MBNL1: variants seen among roughly 807,000 people sequenced by gnomAD.
The protein encoded by MBNL1 is muscleblind-like protein 1.
Under a neutral mutation model 42.2 loss-of-function variants are expected in MBNL1, and 8 were observed. The ratio of observed to expected loss-of-function variants is 0.19; its 90% CI spans 0.11 to 0.34. The LOEUF (loss-of-function observed/expected upper bound fraction) is 0.34, where lower values mean the gene tolerates loss of function less well. Ranked by LOEUF, MBNL1 falls within the 10% of genes least tolerant of loss-of-function variation. The pLI, the probability that MBNL1 is intolerant of heterozygous loss-of-function variation, is 1.00. For missense variants in MBNL1, 309 were observed against 495.3 expected, an observed-to-expected ratio of 0.62 and a Z score of 3.57; for synonymous variants, 169 against 173.9, an observed-to-expected ratio of 0.97 and a Z score of 0.22.
chr3:152,414,530 T>G (rs956279520), intron 2 of MBNL1, among the ~76,000 whole-genome samples: 2 of 152,198 alleles, frequency 1.3e-5, no homozygotes, highest in Non-Finnish European at 2.9e-5. Context: ...TCCTAAGATT[T>G]CAGTACAAGT....
chr3:152,273,548 TAA>T (rs1356078577), intron 1 of MBNL1, among the ~76,000 whole-genome samples: 28 of 152,306 alleles, frequency 1.8e-4, no homozygotes, highest in African/African-American at 6.0e-4. Flanking sequence ...TTAGGAGAAT[TAA>T]GTCTTACACA....
intron 2 of MBNL1, among the ~76,000 whole-genome samples, chr3:152,317,722 C>A (rs2073008767): frequency 6.6e-6 from 1 of 152,072 alleles, no homozygotes; most frequent in Admixed American, 6.6e-5. Context: ...TATTTATAAA[C>A]CCATAGAATC....
At chr3:152,294,633 A>G (rs1029800178) in intron 1 of MBNL1, among the ~76,000 whole-genome samples, 2 of 152,072 alleles carry the variant, frequency 1.3e-5, no homozygotes, top group Non-Finnish European at 2.9e-5. Context: ...GTTTATTATA[A>G]TGTATTGAAA....
At chr3:152,323,056 T>C (rs2077328136) in intron 2 of MBNL1, among the ~76,000 whole-genome samples, 1 of 152,156 alleles carries the variant, frequency 6.6e-6, no homozygotes, top group African/African-American at 2.4e-5. Flanking sequence ...TTCAGTTTGC[T>C]AACTGCCTAA....
intron 2 of MBNL1, among the ~76,000 whole-genome samples, chr3:152,361,104 C>T (rs949657976): frequency 1.4e-4 from 21 of 151,944 alleles, no homozygotes; most frequent in Non-Finnish European, 2.8e-4. Flanking sequence ...TAGAAAAAAA[C>T]CCATATACCC....
chr3:152,346,230 A>G (rs572141521), intron 2 of MBNL1, among the ~76,000 whole-genome samples: 1 of 152,260 alleles, frequency 6.6e-6, no homozygotes, highest in Non-Finnish European at 1.5e-5. Flanking sequence ...GTCCTTGGGC[A>G]GTGTTTGCAG....
intron 2 of MBNL1, among the ~76,000 whole-genome samples, chr3:152,311,349 C>T (rs1393177886): frequency 6.6e-6 from 1 of 152,132 alleles, no homozygotes; most frequent in Non-Finnish European, 1.5e-5. Flanking sequence ...ATTCATCTTA[C>T]TAGGCATTTA....
chr3:152,398,360 G>C (rs899430633), intron 2 of MBNL1, among the ~76,000 whole-genome samples: 3 of 151,902 alleles, frequency 2.0e-5, no homozygotes, highest in Admixed American at 1.3e-4. Context: ...AATTAAAAAA[G>C]ACCTATCATG....
chr3:152,253,423 T>A (rs914966965), intron 2 of MBNL1, among the ~76,000 whole-genome samples: 7 of 152,278 alleles, frequency 4.6e-5, no homozygotes, highest in Middle Eastern at 3.4e-3. Context: ...TCATCTCTGG[T>A]CTGGACGTCT....
intron 2 of MBNL1, among the ~76,000 whole-genome samples, chr3:152,399,257 C>G (rs2098116731): frequency 6.6e-6 from 1 of 152,126 alleles, no homozygotes. Context: ...TTCTGCCTGC[C>G]TTGCCTTGCC....
Position 152,459,311 on chromosome 3 carries a change from A to G in MBNL1, c.1133A>G (p.Tyr378Cys), listed in dbSNP as rs1229116592. 3 of 1,580,786 alleles carry G rather than the reference A, an allele frequency of 1.9e-6. No individual in the cohort carries two copies. Among genetic ancestry groups the G allele is most frequent in the African/African-American group, 2.7e-5 (2 of 73,526 alleles). Residue 378 changes from tyrosine to cysteine, a missense_variant, in exon 9 of 10, where the codon TAT (tyrosine) becomes TGT (cysteine). Transcript: ENST00000324210. The stretch of plus-strand genomic sequence containing the variant: ...GCCGAACATCTGACTAGCCACAAGT[A>G]TGTTACCCAGATGTAGAATTTTCAT... The part of the protein sequence containing the change: ...ISAEHLTSHK[Y>C]VTQM
intron 2 of MBNL1, among the ~76,000 whole-genome samples, chr3:152,351,624 G>A (rs571837252): frequency 2.1e-4 from 32 of 152,248 alleles, no homozygotes; most frequent in African/African-American, 6.7e-4. Flanking sequence ...AACACTTATA[G>A]GAGGGGTTTT....
intron 2 of MBNL1, among the ~76,000 whole-genome samples, chr3:152,343,710 CTG>C (rs1307210098): frequency 1.3e-5 from 2 of 152,042 alleles, no homozygotes; most frequent in African/African-American, 2.4e-5. Context: ...ACTCAGTAAA[CTG>C]AAACTGTCAG....
chr3:152,407,884 AAAAC>A (rs1206511015), intron 2 of MBNL1, among the ~76,000 whole-genome samples: 3 of 152,198 alleles, frequency 2.0e-5, no homozygotes, highest in African/African-American at 7.2e-5. Context: ...TAGAAACAGA[AAAAC>A]AAACACCACA....
intron 2 of MBNL1, among the ~76,000 whole-genome samples, chr3:152,316,207 A>G (rs967115126): frequency 4.6e-5 from 7 of 152,210 alleles, no homozygotes; most frequent in African/African-American, 1.7e-4. Flanking sequence ...GGGAGCATAA[A>G]CAATTATGAC....
At position 152,456,305 on chromosome 3, in the gene MBNL1, G is replaced by T; in HGVS notation, c.1036G>T (p.Ala346Ser). The T allele has an allele frequency of 2.5e-6, 4 of 1,613,896 alleles. No individual in the cohort carries two copies. Among genetic ancestry groups the T allele is most frequent in the Non-Finnish European group, 3.4e-6 (4 of 1,179,832 alleles). ...VHGATPATVS[A>S]ATTSATSVPF... is the part of the protein sequence containing the mutation. ...CGGTGCTACGCCAGCCACTGTGTCC[G>T]CAGCAACAACATCTGCCACAAGTGT... The change falls in exon 8 of 10, where the codon GCA (alanine) becomes TCA (serine). Residue 346 changes from alanine (A) to serine (S), a missense_variant. Ala to Ser is a moderately conservative substitution (Grantham distance 99). Coordinates refer to ENST00000324210, the MANE Select transcript of MBNL1 (RefSeq NM_021038.5).
Position 152,251,316 on chromosome 3 carries a change from C to T in MBNL1, n.333+6876C>T, listed in dbSNP as rs561857128. On this transcript the variant is annotated intron_variant and non_coding_transcript_variant, in intron 2 of 2. Transcript: ENST00000477171. ...AAAATTGTTTATTTTTCTTGTGTAACGCATGTTTTAAAACATTTATACATG... is the reference window on the plus strand; with the variant it reads ...AAAATTGTTTATTTTTCTTGTGTAATGCATGTTTTAAAACATTTATACATG... Among the ~76,000 whole-genome samples, 251 of 151,942 alleles carry T rather than the reference C, an allele frequency of 1.7e-3. 1 individual carries two copies. The highest frequency in any genetic ancestry group is 5.5e-3 in the African/African-American group (227 of 41,482).
intron 9 of MBNL1, among the ~76,000 whole-genome samples, chr3:152,461,567 A>G (rs1745964961): frequency 6.6e-6 from 1 of 152,242 alleles, no homozygotes. Flanking sequence ...TTTTGTCTGT[A>G]TTGAAGCTAA....
At chr3:152,271,324 A>G (rs937358901) in intron 1 of MBNL1, among the ~76,000 whole-genome samples, 2 of 151,812 alleles carry the variant, frequency 1.3e-5, no homozygotes, top group East Asian at 1.9e-4. Context: ...TCCTGGGGGA[A>G]AAAAAAAGAG....
Sources: gnomAD v4.1 joint callset for allele counts (sites outside exome capture counted in the v4.1 genomes callset) on GRCh38, gnomAD v4.1.1 for gene constraint, MANE v1.5 for transcripts, NCBI Gene and HGNC (gene_info 2026-07-23, HGNC 2026-07-21) for gene names.